CDH23: variants seen among roughly 807,000 people sequenced by gnomAD.
The protein encoded by CDH23 is cadherin-23.
Under a neutral mutation model 317.1 loss-of-function variants are expected in CDH23, and 189 were observed. The ratio of observed to expected loss-of-function variants is 0.60; its 90% confidence interval spans 0.53 to 0.67. The LOEUF is 0.67. Ranked by LOEUF, CDH23 falls within the 30% of genes least tolerant of loss-of-function variation. The probability of loss-of-function intolerance (pLI) is 0.00; values close to 1 mark genes in which losing one functional copy is unlikely to be tolerated. For missense variants in CDH23, 4,401 were observed against 4,592.4 expected (o/e 0.96, Z 1.20); for synonymous variants, 1,839 against 1,876.8 (o/e 0.98, Z 0.52).
At chr10:71,739,922 A>C in intron 36 of CDH23, 150 bp downstream of exon 36, 1 of 929,866 alleles carries the variant, frequency 1.1e-6, no homozygotes, top group Non-Finnish European at 1.5e-6. Flanking sequence ...AGCTGCACCC[A>C]TCGGGGCCAA....
At chr10:71,746,600 G>C (rs971762247) in intron 38 of CDH23, among the ~76,000 whole-genome samples, 1 of 152,204 alleles carries the variant, frequency 6.6e-6, no homozygotes, top group Admixed American at 6.5e-5. Context: ...TGTCAGGGAG[G>C]CCCCTGCAAA....
rs760730664 is a variant in CDH23, at chr10:71,646,510, A to G, written c.1342A>G (p.Ile448Val). The G allele has an allele frequency of 3.7e-6, 6 of 1,613,876 alleles. No homozygotes were observed. Among genetic ancestry groups the G allele is most frequent in the Non-Finnish European group, 5.1e-6 (6 of 1,179,868 alleles). The change falls in exon 14 of 70, where the codon ATC becomes GTC. Residue 448 changes from isoleucine (I) to valine (V), a missense_variant. By Grantham distance (29) the Ile-to-Val change is conservative. This residue lies in a region of CDH23 where 3,068 missense variants were observed against 3,203.3 expected (regional missense o/e 0.96). Coordinates refer to ENST00000224721, the MANE Select transcript of CDH23 (RefSeq NM_022124.6). ...CCATGTGGGCTATGCCAAGGTGAAG[A>G]TCACTCTCATCAATGAAAATGACAA... Reference protein sequence around the residue: ...PDHVGYAKVKITLINENDNRP... With the variant: ...PDHVGYAKVKVTLINENDNRP...
Position 71,805,932 on chromosome 10 carries a change from G to A in CDH23, c.7999G>A (p.Asp2667Asn). Residue 2667 changes from aspartate (D) to asparagine (N), a missense_variant, in exon 56 of 70, where the codon GAC becomes AAC. Coordinates refer to ENST00000224721, the MANE Select transcript of CDH23 (RefSeq NM_022124.6). ...CCGGGACTGGGAGTTCTTCATCATC[G>A]ACCCAATCAGCGGCCTCATCCAGAC... ...GNRDWEFFII[D>N]PISGLIQTAQ... is the part of the protein sequence containing the mutation. The A allele has an allele frequency of 6.2e-7, 1 of 1,612,260 alleles. No individual in the cohort carries two copies. The highest frequency in any genetic ancestry group is 8.5e-7 in the Non-Finnish European group (1 of 1,179,238).
chr10:71,631,159 G>A (rs970898671), intron 11 of CDH23, among the ~76,000 whole-genome samples: 12 of 152,150 alleles, frequency 7.9e-5, no homozygotes, highest in Non-Finnish European at 1.5e-4. Flanking sequence ...CAGCAGGATC[G>A]CTTCAGCCCG....
intron 32 of CDH23, among the ~76,000 whole-genome samples, chr10:71,733,687 C>T (rs1227064): frequency 0.78 from 118,376 of 152,226 alleles, 46,218 homozygotes; most frequent in East Asian, 0.83. Flanking sequence ...GACATAAATG[C>T]TGGGCTTCAT....
intron 9 of CDH23, among the ~76,000 whole-genome samples, chr10:71,593,205 G>T (rs559445479): frequency 3.3e-5 from 5 of 152,256 alleles, no homozygotes; most frequent in Non-Finnish European, 7.4e-5. Context: ...ATATGATAAA[G>T]GTGGCACCGC....
chr10:71,453,846 C>T (rs945282970), intron 3 of CDH23, among the ~76,000 whole-genome samples: 2 of 152,218 alleles, frequency 1.3e-5, no homozygotes, highest in Non-Finnish European at 2.9e-5. Context: ...TCCCGGACAT[C>T]AGCTGGGTGT....
At position 71,779,318 on chromosome 10, in the gene CDH23, G is replaced by T; in HGVS notation, c.5239G>T (p.Asp1747Tyr). ...INDNVPTFPR[D>Y]YEGPFEVTEG... is the part of the protein sequence containing the mutation. Reference sequence around the variant, plus strand: ...CGACAATGTGCCTACCTTCCCCCGGGACTATGAGGGACCATTTGAAGTCAC... The same window carrying T: ...CGACAATGTGCCTACCTTCCCCCGGTACTATGAGGGACCATTTGAAGTCAC... Residue 1747 changes from aspartate to tyrosine, a missense_variant, in exon 41 of 70, where the codon GAC becomes TAC. This residue lies in a region of CDH23 where 3,068 missense variants were observed against 3,203.3 expected (regional missense o/e 0.96). Transcript: ENST00000224721. The T allele has an allele frequency of 6.2e-7, 1 of 1,614,020 alleles. No homozygotes were observed. Among genetic ancestry groups the T allele is most frequent in the South Asian group, 1.1e-5 (1 of 91,080 alleles).
chr10:71,687,574 TGCCCACCTTAGACATCTGGCCA>T (rs1332955712), intron 18 of CDH23, 51 bp from the exon 19 acceptor site: 2 of 1,377,080 alleles, frequency 1.5e-6, no homozygotes, highest in Non-Finnish European at 2.1e-6. Context: ...GACTCCTTGG[TGCCCACCTTAGACATCTGGCCA>T]GCCCACCTGC....
At chr10:71,543,420 GGTAATGAC>G (rs1856094980) in intron 6 of CDH23, among the ~76,000 whole-genome samples, 2 of 152,200 alleles carry the variant, frequency 1.3e-5, no homozygotes, top group South Asian at 4.1e-4. Context: ...GATGTCTGAT[GGTAATGAC>G]CTCTCCAGGG....
chr10:71,722,178 T>G (rs1011678707), intron 28 of CDH23, among the ~76,000 whole-genome samples: 1 of 152,188 alleles, frequency 6.6e-6, no homozygotes, highest in Non-Finnish European at 1.5e-5. Flanking sequence ...TGGTGGCTCA[T>G]GCCTGTAATC....
At chr10:71,677,780 T>A in intron 16 of CDH23, 87 bp downstream of exon 16, 1 of 1,152,696 alleles carries the variant, frequency 8.7e-7, no homozygotes, top group Non-Finnish European at 1.2e-6. Flanking sequence ...TGTTTTTGTT[T>A]TTATGAGACA....
intron 3 of CDH23, among the ~76,000 whole-genome samples, chr10:71,505,023 T>G (rs1206368610): frequency 1.3e-5 from 2 of 152,210 alleles, no homozygotes; most frequent in African/African-American, 4.8e-5. Flanking sequence ...ATTGTAAAGC[T>G]CTACAGTAGT....
In CDH23 at chr10:71,634,041, A is replaced by G. The variant is rs116264662; in HGVS notation, c.1135-9820A>G. ...CACATTTCTCTGTGGGAAGAGGGAA[A>G]TCATTTTAGCATAGGAAATAGCCAG... is the stretch of plus-strand genomic sequence containing the variant. On this transcript the variant is annotated intron_variant, in intron 11 of 69. Transcript: ENST00000224721. 8.7e-3 allele frequency among the ~76,000 whole-genome samples: 1,318 copies of G among 152,348 alleles called. 21 individuals are homozygous for G. The highest frequency in any genetic ancestry group is 0.03 in the African/African-American group (1,254 of 41,578).
chr10:71,726,785 C>A (rs1177748399), intron 30 of CDH23, among the ~76,000 whole-genome samples: 1 of 152,266 alleles, frequency 6.6e-6, no homozygotes, highest in East Asian at 1.9e-4. Flanking sequence ...GGTCTCCAGA[C>A]TTCAGGCTTC....
chr10:71,469,717 T>G (rs1851420528), intron 3 of CDH23, among the ~76,000 whole-genome samples: 1 of 152,098 alleles, frequency 6.6e-6, no homozygotes, highest in Admixed American at 6.5e-5. Flanking sequence ...GAGATTCTCC[T>G]ACCTCAGCCT....
rs749227048 is a variant in CDH23, at chr10:71,702,700, T to C, written c.2733+6T>C. ...CGGGGGTCTCCATCTACCAAGTGAG[T>C]CTCTATCATCTCATTCCTACCAGCC... On this transcript the variant is annotated splice_donor_region_variant and intron_variant, in intron 24 of 69. Transcript: ENST00000224721. 6.2e-7 allele frequency: 1 copy of C among 1,613,316 alleles called. No homozygotes were observed. The highest frequency in any genetic ancestry group is 1.1e-5 in the South Asian group (1 of 91,056).
rs368220213 is a variant in CDH23, at chr10:71,482,909, C to T, written c.146-27173C>T. On this transcript the variant is annotated intron_variant, in intron 3 of 69. Transcript: ENST00000224721. The stretch of plus-strand genomic sequence containing the variant: ...TGAAGTGTTTCCAGGCAACAGAAAG[C>T]GTGCCCATTAATCTGTAGAGCAGTT... Among the ~76,000 whole-genome samples, 10 of 152,272 alleles carry T rather than the reference C, an allele frequency of 6.6e-5. No individual in the cohort carries two copies. In the South Asian group the frequency reaches 1.2e-3, roughly 19 times the overall value.
chr10:71,591,050 C>T (rs2132445465), intron 9 of CDH23, among the ~76,000 whole-genome samples: 1 of 152,058 alleles, frequency 6.6e-6, no homozygotes, highest in African/African-American at 2.4e-5. Flanking sequence ...AATGTAAAAC[C>T]AAGCCACCAA....
Sources: gnomAD v4.1 joint callset for allele counts (sites outside exome capture counted in the v4.1 genomes callset) on GRCh38, gnomAD v4.1.1 for gene constraint, gnomAD v4.1.1 regional missense constraint, MANE v1.5 for transcripts, NCBI Gene and HGNC (gene_info 2026-07-23, HGNC 2026-07-21) for gene names.